Variants in KLF5 observed in about 807,000 individuals in gnomAD.
The protein encoded by KLF5 is Krueppel-like factor 5.
KLF5 carries 9 observed loss-of-function variants against 36.9 expected under a neutral mutation model. That is an observed-to-expected ratio of 0.24 (90% CI 0.15 to 0.43). The LOEUF (loss-of-function observed/expected upper bound fraction) is 0.43. Among genes scored for constraint, KLF5 ranks in the 20% least tolerant of loss-of-function variants. The pLI, the probability that KLF5 is intolerant of heterozygous loss-of-function variation, is 1.00. For missense variants in KLF5, 524 were observed against 599.5 expected (o/e 0.87, Z 1.31); for synonymous variants, 246 against 241.7 (o/e 1.02, Z -0.17).
At chr13:73,070,519 C>T (rs973359622) in intron 3 of KLF5, among the ~76,000 whole-genome samples, 3 of 152,158 alleles carry the variant, frequency 2.0e-5, no homozygotes, top group African/African-American at 7.2e-5. Flanking sequence ...ATAATGTTTA[C>T]TGGGAACCCA....
chr13:73,058,860 G>A (rs955558149), upstream of KLF5: 6 of 153,088 alleles, frequency 3.9e-5, no homozygotes, highest in African/African-American at 1.4e-4. Flanking sequence ...GCGGGGCCCT[G>A]GCTGCCTCTC....
At chr13:73,064,267 CT>C (rs760603471) in intron 3 of KLF5, among the ~76,000 whole-genome samples, 1 of 152,172 alleles carries the variant, frequency 6.6e-6, no homozygotes, top group African/African-American at 2.4e-5. Context: ...ATTTTAAACT[CT>C]TAAAAACTTT....
chr13:73,067,783 G>T (rs557276861), intron 3 of KLF5, among the ~76,000 whole-genome samples: 2 of 151,826 alleles, frequency 1.3e-5, no homozygotes, highest in East Asian at 1.9e-4. Flanking sequence ...TTTGAAACAC[G>T]CCCGTAGGAG....
intron 1 of KLF5, among the ~76,000 whole-genome samples, chr13:73,060,053 GT>G (rs1448133860): frequency 1.3e-5 from 2 of 150,780 alleles, no homozygotes; most frequent in African/African-American, 4.9e-5. Flanking sequence ...GTTCCCCAAG[GT>G]TTCATACCCG....
chr13:73,061,918 C>T lies in KLF5; in HGVS notation c.319C>T (p.Pro107Ser), dbSNP rs778046528. Residue 107 changes from proline to serine, a missense_variant, in exon 2 of 4, where the codon CCA becomes TCA. Around this residue, in one of 4 missense-constraint regions of KLF5, gnomAD observed 454 missense variants for 458.1 expected, o/e 0.99. Transcript: ENST00000377687. ...TCAGCTTCCTCCAGTTCCTATAATTCCAGAGCATAAAAAGTATAGACGAGA... is the reference window on the plus strand; with the variant it reads ...TCAGCTTCCTCCAGTTCCTATAATTTCAGAGCATAAAAAGTATAGACGAGA... ...TPQLPPVPII[P>S]EHKKYRRDSA... 6.2e-7 allele frequency: 1 copy of T among 1,613,830 alleles called. No homozygotes were observed. Among genetic ancestry groups the T allele is most frequent in the Non-Finnish European group, 8.5e-7 (1 of 1,179,768 alleles).
intron 3 of KLF5, among the ~76,000 whole-genome samples, chr13:73,066,384 C>G (rs2044680314): frequency 2.0e-5 from 3 of 151,288 alleles, no homozygotes; most frequent in East Asian, 1.9e-4. Context: ...TTCTAAATTA[C>G]TTCTCTTATG....
chr13:73,059,779 G>GC (rs908847095), intron 1 of KLF5, 191 bp downstream of exon 1: 26 of 740,618 alleles, frequency 3.5e-5, no homozygotes, highest in South Asian at 3.4e-4. Context: ...GTAAATGGGG[G>GC]GGGGGGCCGG....
At chr13:73,069,625 A>ATG (rs1452860083) in intron 3 of KLF5, among the ~76,000 whole-genome samples, 1 of 152,192 alleles carries the variant, frequency 6.6e-6, no homozygotes, top group Non-Finnish European at 1.5e-5. Flanking sequence ...ATTTATGAGC[A>ATG]TGAAAGCTTA....
At chr13:73,056,011 T>C (rs1419945651), upstream of KLF5, among the ~76,000 whole-genome samples, 1 of 152,198 alleles carries the variant, frequency 6.6e-6, no homozygotes, top group Non-Finnish European at 1.5e-5. Context: ...AACATTGCCC[T>C]AGTGATAGCT....
chr13:73,059,549 C>T lies in KLF5; in HGVS notation c.222C>T (p.Pro74=). ...AGGCCCCGCAGCCGGCCCAGCCGCC[C>T]GCCACCGGCCCGCGGCTGCCTCCAG... ...PAQAPQPAQP[P]ATGPRLPPED... Residue 74 remains proline, a synonymous_variant, in exon 1 of 4, where the codon CCC becomes CCT. Transcript: ENST00000377687. The T allele has an allele frequency of 1.7e-6, 2 of 1,173,722 alleles. No homozygotes were observed. The highest frequency in any genetic ancestry group is 2.1e-6 in the Non-Finnish European group (2 of 954,636). 72.7% of individuals were successfully genotyped at this position (1,173,722 alleles called of 1,614,324 possible).
At chr13:73,072,258 T>G (rs2044727483) in intron 3 of KLF5, among the ~76,000 whole-genome samples, 1 of 152,142 alleles carries the variant, frequency 6.6e-6, no homozygotes, top group Admixed American at 6.6e-5. Flanking sequence ...AGTTTGTTGC[T>G]GAGGATTTTT....
At chr13:73,056,934 G>GTTT (rs36117211), upstream of KLF5, among the ~76,000 whole-genome samples, 3 of 149,390 alleles carry the variant, frequency 2.0e-5, no homozygotes, top group South Asian at 2.1e-4. Flanking sequence ...TAGTTGTATG[G>GTTT]TTTTTTTTTT....
chr13:73,069,072 G>T (rs2044703625), intron 3 of KLF5, among the ~76,000 whole-genome samples: 2 of 151,900 alleles, frequency 1.3e-5, no homozygotes, highest in Admixed American at 1.3e-4. Flanking sequence ...CTCCAGCCCG[G>T]ACAACAGAGC....
In KLF5 at chr13:73,059,511, C is replaced by G; in HGVS notation, c.184C>G (p.Pro62Ala). ...KHAHHRPQAQPAPAQAPQPAQ... is the reference protein window; with the variant it reads ...KHAHHRPQAQAAPAQAPQPAQ... ...CGCGCACCACCGCCCGCAGGCGCAG[C>G]CCGCGCCCGCGCAGGCCCCGCAGCC... The change falls in exon 1 of 4, where the codon CCC becomes GCC. Residue 62 changes from proline (P) to alanine (A), a missense_variant. Pro to Ala is a conservative substitution (Grantham distance 27, BLOSUM62 -1). Around this residue, in one of 4 missense-constraint regions of KLF5, gnomAD observed 454 missense variants for 458.1 expected, o/e 0.99. Coordinates refer to ENST00000377687, the MANE Select transcript of KLF5 (RefSeq NM_001730.5). The G allele has an allele frequency of 8.3e-7, 1 of 1,207,938 alleles. No individual in the cohort carries two copies. Among genetic ancestry groups the G allele is most frequent in the Admixed American group, 4.5e-5 (1 of 22,342 alleles). The allele number at this position is 1,207,938 out of a possible 1,614,324, so 74.8% of individuals were successfully genotyped here.
In KLF5 at chr13:73,062,098, G is replaced by T. The variant is rs1356139745; in HGVS notation, c.499G>T (p.Ala167Ser). The change falls in exon 2 of 4, where the codon GCC becomes TCC. Residue 167 changes from alanine (A) to serine (S), a missense_variant. Ala to Ser is a moderately conservative substitution (Grantham distance 99, BLOSUM62 1). Coordinates refer to ENST00000377687, the MANE Select transcript of KLF5 (RefSeq NM_001730.5). ...CVTHIKTEPV[A>S]IFSHQSETTA... Reference sequence around the variant, plus strand: ...AACACACATCAAGACAGAACCTGTTGCCATTTTCAGCCACCAGAGTGAAAC... The same window carrying T: ...AACACACATCAAGACAGAACCTGTTTCCATTTTCAGCCACCAGAGTGAAAC... The T allele has an allele frequency of 6.2e-7, 1 of 1,614,070 alleles. No individual in the cohort carries two copies. The highest frequency in any genetic ancestry group is 1.1e-5 in the South Asian group (1 of 91,088).
At chr13:73,075,616 A>ATTTTTTTTTTTT in intron 3 of KLF5, 92 bp from the exon 4 acceptor site, 1 of 1,103,558 alleles carries the variant, frequency 9.1e-7, no homozygotes, top group Non-Finnish European at 1.3e-6. Context: ...CTTGGCCAAG[A>ATTTTTTTTTTTT]TTTTTTTTTT....
At chr13:73,069,296 T>A (rs896823750) in intron 3 of KLF5, among the ~76,000 whole-genome samples, 4 of 152,138 alleles carry the variant, frequency 2.6e-5, no homozygotes, top group African/African-American at 9.7e-5. Context: ...TGGATGGAGA[T>A]CTTACAATGT....
intron 3 of KLF5, among the ~76,000 whole-genome samples, chr13:73,074,048 G>C (rs1482886338): frequency 6.6e-6 from 1 of 152,158 alleles, no homozygotes; most frequent in African/African-American, 2.4e-5. Context: ...AGGCAGAGGA[G>C]AGAAGAGAGG....
At chr13:73,066,822 A>G (rs1001314182) in intron 3 of KLF5, among the ~76,000 whole-genome samples, 7 of 152,200 alleles carry the variant, frequency 4.6e-5, no homozygotes, top group Non-Finnish European at 7.4e-5. Context: ...ATATACTTTG[A>G]TTTCTTTATC....
Sources: gnomAD v4.1 joint callset for allele counts (sites outside exome capture counted in the v4.1 genomes callset) on GRCh38, gnomAD v4.1.1 for gene constraint, gnomAD v4.1.1 regional missense constraint, MANE v1.5 for transcripts, NCBI Gene and HGNC (gene_info 2026-07-23, HGNC 2026-07-21) for gene names.